SRSF1: variants seen among roughly 807,000 people sequenced by gnomAD.
SRSF1 encodes the protein serine/arginine-rich splicing factor 1.
In SRSF1, 1 loss-of-function variant was observed where a neutral mutation model predicts 25.9. That is an observed-to-expected ratio of 0.04 (90% confidence interval 0.01 to 0.18). The LOEUF (loss-of-function observed/expected upper bound fraction) is 0.18, where lower values mean the gene tolerates loss of function less well. Among genes scored for constraint, SRSF1 ranks in the 10% least tolerant of loss-of-function variants. SRSF1 has a pLI of 1.00. For synonymous variants in SRSF1, 132 were observed against 126.2 expected (o/e 1.05, Z -0.31); for missense variants, 65 against 350.5 (o/e 0.19, Z 6.50).
the SRSF1 span, among the ~76,000 whole-genome samples, chr17:57,995,110 T>A: frequency 6.6e-6 from 1 of 152,386 alleles, no homozygotes; most frequent in African/African-American, 2.4e-5. Flanking sequence ...ATACAAAAAC[T>A]GATACCTAAG....
intron 1 of SRSF1, 178 bp downstream of exon 1, chr17:58,006,766 G>A (rs1012161908): frequency 4.4e-6 from 4 of 911,586 alleles, no homozygotes; most frequent in Non-Finnish European, 6.5e-6. Flanking sequence ...CGTCCAAGGC[G>A]AGGCGCCAGA....
chr17:57,998,451 A>C (rs1460472210), downstream of SRSF1, among the ~76,000 whole-genome samples: 1 of 152,166 alleles, frequency 6.6e-6, no homozygotes, highest in East Asian at 1.9e-4. Context: ...CTGAGGGAAC[A>C]ATTCTACCAT....
Position 58,005,777 on chromosome 17 carries a change from G to T in SRSF1, c.552+24C>A. The T allele has an allele frequency of 6.2e-7, 1 of 1,614,142 alleles. No individual in the cohort carries two copies. The highest frequency in any genetic ancestry group is 1.3e-5 in the African/African-American group (1 of 75,034). On this transcript the variant is annotated intron_variant, in intron 3 of 3. Coordinates refer to ENST00000258962, the MANE Select transcript of SRSF1 (RefSeq NM_006924.5). The surrounding 1 kb of genome is among the most constrained non-coding windows in gnomAD (Gnocchi z 5.2). The stretch of plus-strand genomic sequence containing the variant: ...ACCACTGTATCCAATTCTGGTCAAA[G>T]AAAAGAATACGTGTATAACCTACCT...
Position 58,003,346 on chromosome 17 carries a change from C to T in SRSF1, c.*2060G>A, listed in dbSNP as rs539824618. On this transcript the variant is annotated 3_prime_UTR_variant, in exon 4 of 4. Coordinates refer to ENST00000258962, the MANE Select transcript of SRSF1 (RefSeq NM_006924.5). ...TTTTACAATTAACAATAAAAGATGG[C>T]TAATACCATTAGATTGCCTTTTAAG... 4 of 152,250 alleles carry T rather than the reference C, an allele frequency of 2.6e-5. No homozygotes were observed. The South Asian group carries it at 6.2e-4, about 24-fold the overall frequency. 9.4% of individuals were successfully genotyped at this position (152,250 alleles called of 1,614,324 possible).
chr17:57,998,552 C>T (rs1381847589), downstream of SRSF1, among the ~76,000 whole-genome samples: 1 of 152,154 alleles, frequency 6.6e-6, no homozygotes, highest in Non-Finnish European at 1.5e-5. Flanking sequence ...TTTGTGGCTT[C>T]AGAGTGCATC....
rs2075418241 is a variant in SRSF1 at position 58,005,158 on chromosome 17, T to C, written c.*248A>G. Reference sequence around the variant, plus strand: ...CCAGGGCAGATAGACATTTACACAATATCACAGTCTGAAGAGTATGGAGTT... The same window carrying C: ...CCAGGGCAGATAGACATTTACACAACATCACAGTCTGAAGAGTATGGAGTT... On this transcript the variant is annotated 3_prime_UTR_variant, in exon 4 of 4. Transcript: ENST00000258962. The surrounding 1 kb of genome is among the most constrained non-coding windows in gnomAD (Gnocchi z 5.2). The C allele has an allele frequency of 5.4e-6, 3 of 554,758 alleles. No homozygotes were observed. The South Asian group carries it at 8.1e-5, about 15-fold the overall frequency. 34.4% of individuals were successfully genotyped at this position (554,758 alleles called of 1,614,324 possible). A position where few individuals can be genotyped will look rare whatever the true frequency, so the allele number is the denominator to read the frequency against.
At chr17:57,998,551 T>C (rs2075373353), downstream of SRSF1, among the ~76,000 whole-genome samples, 1 of 152,206 alleles carries the variant, frequency 6.6e-6, no homozygotes, top group Admixed American at 6.5e-5. Flanking sequence ...ATTTGTGGCT[T>C]CAGAGTGCAT....
chr17:58,006,590 G>A, intron 1 of SRSF1, 63 bp from the exon 2 acceptor site: 1 of 1,517,092 alleles, frequency 6.6e-7, no homozygotes, highest in Non-Finnish European at 8.9e-7. Flanking sequence ...GCTCAGTTGG[G>A]AACCAGCAAA....
chr17:57,989,571 A>C, the SRSF1 span: 2 of 397,896 alleles, frequency 5.0e-6, no homozygotes, highest in African/African-American at 4.1e-5. Context: ...CCAAGGAGAT[A>C]TAGTAATTTG....
downstream of SRSF1, among the ~76,000 whole-genome samples, chr17:57,996,492 A>AAAAAAAC (rs1555574740): frequency 6.6e-6 from 1 of 150,588 alleles, no homozygotes. Context: ...TTAAAAAAAA[A>AAAAAAAC]AAAAAAAAAA....
downstream of SRSF1, among the ~76,000 whole-genome samples, chr17:57,997,672 C>T (rs1355364773): frequency 6.6e-6 from 1 of 152,110 alleles, no homozygotes; most frequent in Non-Finnish European, 1.5e-5. Context: ...TGGGTACAGA[C>T]AAAAATGCTG....
chr17:57,995,990 A>G (rs1249033173), downstream of SRSF1, among the ~76,000 whole-genome samples: 5 of 152,196 alleles, frequency 3.3e-5, no homozygotes, highest in African/African-American at 4.8e-5. Context: ...AAAATATAAA[A>G]AAGGTAGCAA....
At chr17:57,995,903 G>A in the SRSF1 span, among the ~76,000 whole-genome samples, 2 of 152,172 alleles carry the variant, frequency 1.3e-5, no homozygotes, top group Non-Finnish European at 2.9e-5. Context: ...AGCACTTTAG[G>A]AAGCCAAGGT....
At chr17:57,996,455 G>A (rs1225386115), downstream of SRSF1, among the ~76,000 whole-genome samples, 1 of 132,430 alleles carries the variant, frequency 7.6e-6, no homozygotes, top group Non-Finnish European at 1.5e-5. Context: ...CTGCACTCCA[G>A]CCCAGGTGAC....
rs758934260 is a variant in SRSF1, at chr17:58,006,985, G to A, written c.153C>T (p.Arg51=). ...CAACGAAGGCGAAGGGCGGTCCCCC[G>A]CGGCGATTCTTGAGGTCGATGTCGC... The part of the protein sequence containing the change: ...AIRDIDLKNR[R]GGPPFAFVEF... The change falls in exon 1 of 4, where the codon CGC becomes CGT. Residue 51 remains arginine, a synonymous_variant. Transcript: ENST00000258962. The A allele has an allele frequency of 2.5e-6, 4 of 1,614,268 alleles. No individual in the cohort carries two copies. Among genetic ancestry groups the A allele is most frequent in the Middle Eastern group, 1.6e-4 (1 of 6,062 alleles).
intron 1 of SRSF1, 58 bp from the exon 2 acceptor site, chr17:58,006,585 G>A: frequency 3.3e-6 from 5 of 1,527,286 alleles, no homozygotes; most frequent in Non-Finnish European, 4.4e-6. Flanking sequence ...AGCTCGCTCA[G>A]TTGGGAACCA....
the SRSF1 span, chr17:57,989,873 T>C: frequency 2.5e-6 from 1 of 397,590 alleles, no homozygotes; most frequent in Non-Finnish European, 4.4e-6. Context: ...GTCACCCCCA[T>C]GTCTCCTGTA....
At chr17:58,006,280 CAAGAGAA>C in intron 2 of SRSF1, 56 bp downstream of exon 2, 2 of 1,528,340 alleles carry the variant, frequency 1.3e-6, no homozygotes, top group Non-Finnish European at 1.8e-6. Context: ...ACCTGTCACG[CAAGAGAA>C]AAATTTTAGG....
At position 58,007,087 on chromosome 17, in the gene SRSF1, G is replaced by A. The variant is rs773774476; in HGVS notation, c.51C>T (p.Arg17=). 2 of 1,614,098 alleles carry A rather than the reference G, an allele frequency of 1.2e-6. No homozygotes were observed. Among genetic ancestry groups the A allele is most frequent in the African/African-American group, 2.7e-5 (2 of 74,946 alleles). ...CTGGAGGTAAGTTACCCACGTAGAT[G>A]CGGCAATCGTTGTTCCCTGCGGGGC... ...IRGPAGNNDC[R]IYVGNLPPDI... The change falls in exon 1 of 4, where the codon CGC becomes CGT. Residue 17 remains arginine (R), a synonymous_variant. Transcript: ENST00000258962.
Sources: gnomAD v4.1 joint callset for allele counts (sites outside exome capture counted in the v4.1 genomes callset) on GRCh38, gnomAD v4.1.1 for gene constraint, Gnocchi (gnomAD v3.1) non-coding constraint, MANE v1.5 for transcripts, NCBI Gene and HGNC (gene_info 2026-07-23, HGNC 2026-07-21) for gene names.